The following SRBD1 variants were observed in gnomAD, a reference collection of about 807,000 sequenced individuals.
SRBD1 encodes the protein S1 RNA-binding domain-containing protein 1.
A neutral mutation model predicts 115.3 loss-of-function variants in SRBD1; 88 were observed. The observed-to-expected ratio is 0.76, with a 90% CI of 0.64 to 0.91. SRBD1 has a LOEUF of 0.91. Among genes scored for constraint, SRBD1 ranks in the 40% least tolerant of loss-of-function variants. The pLI, the probability that SRBD1 is intolerant of heterozygous loss-of-function variation, is 0.00. For missense variants in SRBD1, 1,385 were observed against 1,177.4 expected, an observed-to-expected ratio of 1.18 and a Z score of -2.58; for synonymous variants, 509 against 407.7, an observed-to-expected ratio of 1.25 and a Z score of -2.99.
chr2:45,517,388 TGTG>T (rs1223773301), intron 14 of SRBD1, among the ~76,000 whole-genome samples: 1 of 152,242 alleles, frequency 6.6e-6, no homozygotes, highest in African/African-American at 2.4e-5. Context: ...TATAACATGT[TGTG>T]GTAACAAAGA....
chr2:45,459,643 A>T (rs1345212707), intron 16 of SRBD1, among the ~76,000 whole-genome samples: 1 of 152,218 alleles, frequency 6.6e-6, no homozygotes, highest in Admixed American at 6.5e-5. Flanking sequence ...TCATGAAGTG[A>T]AAACACTTTC....
Position 45,414,576 on chromosome 2 carries a change from GTA to G in SRBD1, c.2334-1285_2334-1284del, listed in dbSNP as rs574934481. Reference sequence around the variant, plus strand: ...TGTAGTGTGTGTACACACATAGTGTGTATATAGTGTGTGTGTACACATAGTGT... The same window carrying G: ...TGTAGTGTGTGTACACACATAGTGTGTATAGTGTGTGTGTACACATAGTGT... On this transcript the variant is annotated intron_variant, in intron 18 of 20. Transcript: ENST00000263736. Among the ~76,000 whole-genome samples the G allele has an allele frequency of 7.0e-3, 1,042 of 147,976 alleles. 15 individuals carry two copies. The highest frequency in any genetic ancestry group is 0.024 in the African/African-American group (978 of 40,660).
chr2:45,461,928 C>T (rs1347476939), intron 16 of SRBD1, among the ~76,000 whole-genome samples: 1 of 151,994 alleles, frequency 6.6e-6, no homozygotes, highest in African/African-American at 2.4e-5. Context: ...CGTGTCGATC[C>T]TCCTCCCTTT....
intron 14 of SRBD1, among the ~76,000 whole-genome samples, chr2:45,497,880 CA>C (rs1442313720): frequency 5.3e-5 from 8 of 152,056 alleles, no homozygotes; most frequent in Non-Finnish European, 1.2e-4. Context: ...ACTAAAAATA[CA>C]AAATCAGCCC....
chr2:45,566,351 C>T (rs1672830165), intron 9 of SRBD1, among the ~76,000 whole-genome samples: 2 of 152,046 alleles, frequency 1.3e-5, no homozygotes. Flanking sequence ...GTGGAGAATC[C>T]ATATAATGTA....
chr2:45,454,510 T>C (rs914719440), intron 16 of SRBD1, among the ~76,000 whole-genome samples: 2 of 151,846 alleles, frequency 1.3e-5, no homozygotes, highest in Non-Finnish European at 2.9e-5. Context: ...AAGGACTCCA[T>C]TGAATAGTAA....
intron 14 of SRBD1, among the ~76,000 whole-genome samples, chr2:45,530,364 G>A (rs1442372851): frequency 6.6e-6 from 1 of 151,916 alleles, no homozygotes; most frequent in African/African-American, 2.4e-5. Context: ...CAATTCATGT[G>A]CTATAACAAT....
intron 20 of SRBD1, among the ~76,000 whole-genome samples, chr2:45,391,926 T>C (rs1192411769): frequency 6.6e-6 from 1 of 152,112 alleles, no homozygotes; most frequent in Non-Finnish European, 1.5e-5. Context: ...AAATCCAGTA[T>C]TTTTGAGAAC....
chr2:45,417,615 G>A (rs553498521), intron 18 of SRBD1, among the ~76,000 whole-genome samples: 30 of 152,120 alleles, frequency 2.0e-4, no homozygotes, highest in Non-Finnish European at 3.8e-4. Context: ...TAGCAGATAC[G>A]TAAATGTTCT....
intron 9 of SRBD1, among the ~76,000 whole-genome samples, chr2:45,572,662 G>T (rs995110015): frequency 1.3e-5 from 2 of 151,932 alleles, no homozygotes; most frequent in Non-Finnish European, 2.9e-5. Flanking sequence ...AAATATAAAC[G>T]CCAGTGTTAC....
At chr2:45,497,958 C>T (rs577261082) in intron 14 of SRBD1, among the ~76,000 whole-genome samples, 12 of 152,166 alleles carry the variant, frequency 7.9e-5, no homozygotes, top group African/African-American at 2.2e-4. Context: ...CGCTTGAGAT[C>T]GCACCACAGC....
At chr2:45,433,174 A>T (rs1483845501) in intron 16 of SRBD1, among the ~76,000 whole-genome samples, 1 of 152,194 alleles carries the variant, frequency 6.6e-6, no homozygotes, top group Non-Finnish European at 1.5e-5. Flanking sequence ...TACAAAATGT[A>T]GCTAGAAAAC....
chr2:45,412,647 A>T (rs1374213259), intron 19 of SRBD1, among the ~76,000 whole-genome samples: 1 of 152,176 alleles, frequency 6.6e-6, no homozygotes, highest in East Asian at 1.9e-4. Context: ...TTCTACTCAA[A>T]AACTTCCCCC....
intron 10 of SRBD1, among the ~76,000 whole-genome samples, chr2:45,555,420 T>G (rs1672443022): frequency 1.3e-5 from 2 of 151,746 alleles, no homozygotes; most frequent in Admixed American, 6.6e-5. Context: ...CAGCCCAGAA[T>G]TTTTTGGAAA....
intron 19 of SRBD1, among the ~76,000 whole-genome samples, chr2:45,395,246 C>G (rs576686539): frequency 6.6e-6 from 1 of 152,212 alleles, no homozygotes; most frequent in Non-Finnish European, 1.5e-5. Context: ...AGAATGTATA[C>G]TAATGCGCTG....
At chr2:45,567,858 A>G (rs1286110045) in intron 9 of SRBD1, 3 of 152,232 alleles carry the variant, frequency 2.0e-5, no homozygotes, top group African/African-American at 7.2e-5. Context: ...ACATAAGTAT[A>G]CCATAATATC....
chr2:45,435,403 T>G (rs568195228), intron 16 of SRBD1, among the ~76,000 whole-genome samples: 20 of 151,502 alleles, frequency 1.3e-4, no homozygotes, highest in South Asian at 1.0e-3. Context: ...AGACTGGAGG[T>G]TGGGATTCCT....
chr2:45,574,768 G>C (rs773245355), intron 7 of SRBD1, 45 bp from the exon 8 acceptor site: 3 of 1,489,154 alleles, frequency 2.0e-6, no homozygotes, highest in Non-Finnish European at 2.8e-6. Context: ...AAAAGTATAC[G>C]ATTGGTTTTA....
chr2:45,561,422 C>T (rs369661986), intron 10 of SRBD1, among the ~76,000 whole-genome samples: 27 of 152,300 alleles, frequency 1.8e-4, no homozygotes, highest in African/African-American at 6.5e-4. Context: ...TCCTTCATTG[C>T]TTTTAATGAA....
Sources: allele counts gnomAD v4.1 joint callset (sites outside exome capture counted in the v4.1 genomes callset), GRCh38; gene constraint gnomAD v4.1.1; transcripts MANE v1.5; gene names NCBI Gene and HGNC (gene_info 2026-07-23, HGNC 2026-07-21).